Variants in APOBEC3A observed in about 807,000 individuals in gnomAD.
The protein encoded by APOBEC3A is DNA dC->dU-editing enzyme APOBEC-3A.
APOBEC3A carries 13 observed loss-of-function variants against 23.0 expected under a neutral mutation model. The ratio of observed to expected loss-of-function variants is 0.57; its 90% CI spans 0.37 to 0.90. The LOEUF (loss-of-function observed/expected upper bound fraction) is 0.90, where lower values mean the gene tolerates loss of function less well. APOBEC3A is among the 40% of genes least tolerant of loss of function. The pLI is 0.01. For synonymous variants in APOBEC3A, 74 were observed against 101.3 expected, an observed-to-expected ratio of 0.73 and a Z score of 1.62; for missense variants, 179 against 264.9, an observed-to-expected ratio of 0.68 and a Z score of 2.25.
Position 38,957,799 on chromosome 22 carries a change from T to C in APOBEC3A, c.29+79T>C, listed in dbSNP as rs1035461411. The C allele has an allele frequency of 1.9e-6, 3 of 1,542,482 alleles. No individual in the cohort carries two copies. The African/African-American group carries it at 4.1e-5, about 21-fold the overall frequency. ...TCTGATGAGCACTCACCTCTCACCC[T>C]CAAACCCCTGGGGCCTCTCTTTTCC... On this transcript the variant is annotated intron_variant, in intron 1 of 4. Coordinates refer to ENST00000249116, the MANE Select transcript of APOBEC3A (RefSeq NM_145699.4).
chr22:38,959,117 G>T (rs1922747072), intron 1 of APOBEC3A, among the ~76,000 whole-genome samples: 1 of 152,184 alleles, frequency 6.6e-6, no homozygotes, highest in Non-Finnish European at 1.5e-5. Flanking sequence ...TCCCCCTCAG[G>T]AGTGTCCCTG....
chr22:38,959,482 G>T, intron 1 of APOBEC3A, 60 bp from the exon 2 acceptor site: 1 of 1,578,136 alleles, frequency 6.3e-7, no homozygotes, highest in Admixed American at 1.7e-5. Context: ...GGAGGGAGGA[G>T]GAGGCAGGGC....
At chr22:38,959,813 G>T (rs1385226703) in intron 2 of APOBEC3A, 127 bp downstream of exon 2, 18 of 1,334,716 alleles carry the variant, frequency 1.3e-5, no homozygotes, top group Non-Finnish European at 1.8e-5. Flanking sequence ...TGCAGCTGCT[G>T]CTGCTTGGCC....
Position 38,959,566 on chromosome 22 carries a change from C to T in APOBEC3A, c.54C>T (p.Phe18=), listed in dbSNP as rs145534039. The T allele has an allele frequency of 1.1e-5, 17 of 1,613,926 alleles. No individual in the cohort carries two copies. In the African/African-American group the frequency reaches 2.1e-4, roughly 20 times the overall value. Residue 18 remains phenylalanine (F), a synonymous_variant, in exon 2 of 5, where the codon TTC becomes TTT. Transcript: ENST00000249116. Reference sequence around the variant, plus strand: ...GACACTTGATGGATCCACACATATTCACTTCCAACTTTAACAATGGCATTG... The same window carrying T: ...GACACTTGATGGATCCACACATATTTACTTCCAACTTTAACAATGGCATTG... The part of the protein sequence containing the change: ...GPRHLMDPHI[F]TSNFNNGIGR...
intron 2 of APOBEC3A, among the ~76,000 whole-genome samples, chr22:38,960,677 A>G (rs1326379722): frequency 6.6e-6 from 1 of 152,084 alleles, no homozygotes; most frequent in African/African-American, 2.4e-5. Context: ...TCTCTTCCCC[A>G]CTACTTTTGG....
Position 38,962,813 on chromosome 22 carries a change from C to A in APOBEC3A, c.*304C>A. 1 of 592,614 alleles carries A rather than the reference C, an allele frequency of 1.7e-6. No homozygotes were observed. Among genetic ancestry groups the A allele is most frequent in the East Asian group, 5.5e-5 (1 of 18,274 alleles). The allele number at this position is 592,614 out of a possible 1,614,324, so 36.7% of individuals were successfully genotyped here. On this transcript the variant is annotated 3_prime_UTR_variant, in exon 5 of 5. Transcript: ENST00000249116. ...CTCTACTAAAAATACAAAAAATTAGCCAGGCGTGGTGGCGGGCGCCTGTAG... is the reference window on the plus strand; with the variant it reads ...CTCTACTAAAAATACAAAAAATTAGACAGGCGTGGTGGCGGGCGCCTGTAG...
In APOBEC3A at chr22:38,958,769, C is replaced by CTTTTTCTTTCTTTCTTTCTT. The variant is rs59598207; in HGVS notation, c.30-772_30-771insTTTTCTTTCTTTCTTTCTTT. On this transcript the variant is annotated intron_variant, in intron 1 of 4. Coordinates refer to ENST00000249116, the MANE Select transcript of APOBEC3A (RefSeq NM_145699.4). ...TTCCTTCCTTCCTCCATCTCTCTTT[C>CTTTTTCTTTCTTTCTTTCTT]TCTTTCTTTCTTTCTTTCTTTCTTT... is the stretch of plus-strand genomic sequence containing the variant. 3.8e-3 allele frequency among the ~76,000 whole-genome samples: 411 copies of CTTTTTCTTTCTTTCTTTCTT among 109,446 alleles called. 21 individuals carry two copies. The highest frequency in any genetic ancestry group is 0.015 in the African/African-American group (336 of 22,902). The allele number at this position is 109,446 out of a possible 152,430, so 71.8% of individuals were successfully genotyped here.
At chr22:38,958,647 C>A (rs1436806655) in intron 1 of APOBEC3A, among the ~76,000 whole-genome samples, 1 of 129,766 alleles carries the variant, frequency 7.7e-6, no homozygotes, top group African/African-American at 2.9e-5. Flanking sequence ...TCTTTCTTTT[C>A]TTTCTTTCTT....
intron 3 of APOBEC3A, 92 bp from the exon 4 acceptor site, chr22:38,962,006 G>C: frequency 6.7e-7 from 1 of 1,490,528 alleles, no homozygotes; most frequent in South Asian, 1.3e-5. Context: ...CTGAAACCAG[G>C]ATGTGGGAAG....
chr22:38,960,576 G>A (rs1301076916), intron 2 of APOBEC3A, among the ~76,000 whole-genome samples: 11 of 152,284 alleles, frequency 7.2e-5, no homozygotes, highest in Non-Finnish European at 1.6e-4. Flanking sequence ...TCTGGAGTTT[G>A]GAGTAAATAC....
At chr22:38,957,804 C>A in intron 1 of APOBEC3A, 84 bp downstream of exon 1, 1 of 1,521,516 alleles carries the variant, frequency 6.6e-7, no homozygotes, top group East Asian at 2.4e-5. Context: ...CACCCTCAAA[C>A]CCCTGGGGCC....
chr22:38,961,065 AG>A (rs1922858071), intron 2 of APOBEC3A, among the ~76,000 whole-genome samples: 1 of 150,358 alleles, frequency 6.7e-6, no homozygotes, highest in South Asian at 2.2e-4. Flanking sequence ...TAATACAAAT[AG>A]ATCATGATGA....
At chr22:38,962,248 G>T (rs778509304) in intron 4 of APOBEC3A, 35 bp downstream of exon 4, 1 of 1,613,364 alleles carries the variant, frequency 6.2e-7, no homozygotes, top group South Asian at 1.1e-5. Flanking sequence ...GTGCCCCATC[G>T]GCCTCCCCCT....
intron 1 of APOBEC3A, among the ~76,000 whole-genome samples, chr22:38,959,184 G>T (rs974312244): frequency 6.6e-6 from 1 of 152,216 alleles, no homozygotes; most frequent in Non-Finnish European, 1.5e-5. Flanking sequence ...GCCCCAGAGG[G>T]TCCATCTCCA....
At chr22:38,958,813 CT>C (rs1922731106) in intron 1 of APOBEC3A, among the ~76,000 whole-genome samples, 10 of 139,854 alleles carry the variant, frequency 7.2e-5, no homozygotes, top group Admixed American at 4.6e-4. Context: ...CCTTCTTTCT[CT>C]TTCCTTCTTT....
intron 1 of APOBEC3A, among the ~76,000 whole-genome samples, chr22:38,958,513 C>A (rs531978868): frequency 7.3e-6 from 1 of 136,864 alleles, no homozygotes; most frequent in South Asian, 2.4e-4. Flanking sequence ...TTCTTTCATT[C>A]TTTCCTTCTT....
rs971630060 is a variant in APOBEC3A, at chr22:38,961,587, C to T, written c.375C>T (p.Phe125=). 6.5e-6 allele frequency: 10 copies of T among 1,534,956 alleles called. No individual in the cohort carries two copies. Among genetic ancestry groups the T allele is most frequent in the Admixed American group, 1.7e-5 (1 of 58,272 alleles). Residue 125 remains phenylalanine (F), a synonymous_variant, in exon 3 of 5, where the codon TTC becomes TTT. Transcript: ENST00000249116. ...ACACACACGTGAGACTGCGTATCTT[C>T]GCTGCCCGCATCTATGATTACGACC... The part of the protein sequence containing the change: ...QENTHVRLRI[F]AARIYDYDPL...
At chr22:38,957,758 C>T in intron 1 of APOBEC3A, 38 bp downstream of exon 1, 1 of 1,602,774 alleles carries the variant, frequency 6.2e-7, no homozygotes, top group African/African-American at 1.3e-5. Flanking sequence ...GCGCCTCAGC[C>T]TCCTCTTTGA....
chr22:38,961,796 A>G, intron 3 of APOBEC3A, 115 bp downstream of exon 3: 1 of 1,156,586 alleles, frequency 8.6e-7, no homozygotes, highest in Non-Finnish European at 1.2e-6. Flanking sequence ...GGACTCTGGG[A>G]CCTGACTTTG....
Sources: gnomAD v4.1 joint callset for allele counts (sites outside exome capture counted in the v4.1 genomes callset) on GRCh38, gnomAD v4.1.1 for gene constraint, MANE v1.5 for transcripts, NCBI Gene and HGNC (gene_info 2026-07-23, HGNC 2026-07-21) for gene names.